HMGB1: variants seen among roughly 807,000 people sequenced by gnomAD.
The protein encoded by HMGB1 is high mobility group box 1.
For missense variants in HMGB1, 79 were observed against 253.5 expected (o/e 0.31, Z 4.67); for synonymous variants, 81 against 84.0 (o/e 0.96, Z 0.19).
At chr13:30,471,429 CCTCT>C in intron 1 of HMGB1, among the ~76,000 whole-genome samples, 1 of 151,796 alleles carries the variant, frequency 6.6e-6, no homozygotes, top group East Asian at 1.9e-4. Context: ...CTCACTGCAA[CCTCT>C]GTCTCCCAGG....
intron 1 of HMGB1, among the ~76,000 whole-genome samples, chr13:30,488,313 C>T (rs1417214250): frequency 1.3e-5 from 2 of 152,080 alleles, no homozygotes; most frequent in Admixed American, 6.6e-5. Context: ...CAAACTCTTA[C>T]CAGCATTTTT....
chr13:30,470,948 C>CTTATTTAT lies in HMGB1; in HGVS notation c.-14-7262_-14-7255dup, dbSNP rs61370575. On this transcript the variant is annotated intron_variant, in intron 1 of 4. Transcript: ENST00000405805. ...ACAGGTGTGAGCCACCATGCCCAGA[C>CTTATTTAT]TTATTTATTTATTTATTTATTTATA... is the stretch of plus-strand genomic sequence containing the variant. 6.1e-3 allele frequency among the ~76,000 whole-genome samples: 914 copies of CTTATTTAT among 151,066 alleles called. 9 individuals are homozygous for CTTATTTAT. Among genetic ancestry groups the CTTATTTAT allele is most frequent in the African/African-American group, 0.02 (832 of 41,192 alleles).
At chr13:30,601,463 T>TAA (rs1593338669) in intron 1 of HMGB1, among the ~76,000 whole-genome samples, 13,251 of 115,784 alleles carry the variant, frequency 0.11, 4,755 homozygotes, top group African/African-American at 0.3. Flanking sequence ...ATGAGGGTTG[T>TAA]GGCCGGGCGC....
chr13:30,502,248 T>C (rs1248749541), intron 1 of HMGB1, among the ~76,000 whole-genome samples: 1 of 152,258 alleles, frequency 6.6e-6, no homozygotes, highest in Non-Finnish European at 1.5e-5. Flanking sequence ...CAAATATTTA[T>C]TGAGCCTCTG....
rs200836895 is a variant in HMGB1, at chr13:30,461,375, T to A, written c.630A>T (p.Glu210Asp). 706 of 1,555,310 alleles carry A rather than the reference T, an allele frequency of 4.5e-4. No homozygotes were observed. The highest frequency in any genetic ancestry group is 7.4e-4 in the South Asian group (60 of 81,150). Reference sequence around the variant, plus strand: ...AACCAACTTATTCATCATCATCATCTTCTTCTTCATCTTCATCTTCTTCAT... The same window carrying A: ...AACCAACTTATTCATCATCATCATCATCTTCTTCATCTTCATCTTCTTCAT... ...EEDEEDEDEEEDDDDE is the reference protein window; with the variant it reads ...EEDEEDEDEEDDDDDE The change falls in exon 5 of 5, where the codon GAA becomes GAT. Residue 210 changes from glutamate (E) to aspartate (D), a missense_variant. Physicochemically the swap from Glu to Asp is conservative, Grantham distance 45. Coordinates refer to ENST00000341423, the MANE Select transcript of HMGB1 (RefSeq NM_002128.7).
intron 4 of HMGB1, among the ~76,000 whole-genome samples, chr13:30,462,056 A>G (rs989571551): frequency 8.5e-5 from 13 of 152,260 alleles, no homozygotes; most frequent in Non-Finnish European, 1.2e-4. Context: ...CTGAACTATA[A>G]GAGTTATAGA....
At chr13:30,474,443 A>G (rs1172990675) in intron 1 of HMGB1, among the ~76,000 whole-genome samples, 1 of 152,198 alleles carries the variant, frequency 6.6e-6, no homozygotes, top group Non-Finnish European at 1.5e-5. Flanking sequence ...TAGTAATTTT[A>G]AACAAGCGCT....
intron 1 of HMGB1, among the ~76,000 whole-genome samples, chr13:30,611,924 C>T (rs1044912608): frequency 8.7e-5 from 13 of 149,960 alleles, no homozygotes; most frequent in African/African-American, 2.5e-4. Context: ...ATTATGCATA[C>T]GTCTGAACTA....
chr13:30,544,722 G>C (rs543284624), intron 1 of HMGB1, among the ~76,000 whole-genome samples: 3 of 152,298 alleles, frequency 2.0e-5, no homozygotes, highest in Non-Finnish European at 1.5e-5. Context: ...GTTTTCCTGA[G>C]CTCTGTAAGC....
At chr13:30,482,653 G>T (rs1217887014) in intron 1 of HMGB1, among the ~76,000 whole-genome samples, 8 of 152,056 alleles carry the variant, frequency 5.3e-5, no homozygotes, top group Non-Finnish European at 1.2e-4. Context: ...TCCCGTTCTG[G>T]CCTTTGTCAT....
chr13:30,485,538 G>A (rs1270896067), intron 1 of HMGB1, among the ~76,000 whole-genome samples: 1 of 149,736 alleles, frequency 6.7e-6, no homozygotes, highest in Non-Finnish European at 1.5e-5. Flanking sequence ...ACTTTTTTTA[G>A]AGCGAGGGTC....
chr13:30,544,535 C>T (rs1869056958), intron 1 of HMGB1, among the ~76,000 whole-genome samples: 2 of 152,162 alleles, frequency 1.3e-5, no homozygotes, highest in Admixed American at 6.5e-5. Flanking sequence ...CCATAAAACC[C>T]TCAAAGGACT....
At chr13:30,545,646 C>G (rs561333764) in intron 1 of HMGB1, among the ~76,000 whole-genome samples, 1 of 152,242 alleles carries the variant, frequency 6.6e-6, no homozygotes, top group African/African-American at 2.4e-5. Flanking sequence ...AAAATTAAAA[C>G]TAAACTTCAT....
At chr13:30,465,749 G>C in intron 1 of HMGB1, 47 bp downstream of exon 1, 2 of 971,916 alleles carry the variant, frequency 2.1e-6, no homozygotes, top group Non-Finnish European at 2.4e-6. Flanking sequence ...GCGGGCTGGG[G>C]AGCTGCCGGA....
Position 30,544,952 on chromosome 13 carries a change from C to T in HMGB1, c.-15+71719G>A, listed in dbSNP as rs116471547. Among the ~76,000 whole-genome samples, 1,174 of 152,284 alleles carry T rather than the reference C, an allele frequency of 7.7e-3. 20 individuals are homozygous for T. Among genetic ancestry groups the T allele is most frequent in the African/African-American group, 0.027 (1,130 of 41,552 alleles). Reference sequence around the variant, plus strand: ...GTCAGGAGGCGCCTCGATGTAGAAACGTGTTCCTCTGCACTCCTGGCCTCC... The same window carrying T: ...GTCAGGAGGCGCCTCGATGTAGAAATGTGTTCCTCTGCACTCCTGGCCTCC... On this transcript the variant is annotated intron_variant, in intron 1 of 4. Transcript: ENST00000405805.
intron 1 of HMGB1, among the ~76,000 whole-genome samples, chr13:30,590,596 A>T (rs2137552279): frequency 6.6e-6 from 1 of 152,390 alleles, no homozygotes; most frequent in African/African-American, 2.4e-5. Flanking sequence ...CAAAGAAATG[A>T]CAAGCCGTTC....
intron 1 of HMGB1, among the ~76,000 whole-genome samples, chr13:30,606,835 ATCT>A (rs1445833341): frequency 6.6e-6 from 1 of 152,224 alleles, no homozygotes; most frequent in Non-Finnish European, 1.5e-5. Flanking sequence ...ATGTTAAAAC[ATCT>A]TCTGCCACAA....
At chr13:30,505,857 C>A (rs1279380110) in intron 1 of HMGB1, among the ~76,000 whole-genome samples, 1 of 152,088 alleles carries the variant, frequency 6.6e-6, no homozygotes, top group Non-Finnish European at 1.5e-5. Context: ...TCTCAGGGGG[C>A]AGTCTGAGGA....
At chr13:30,461,746 T>A (rs978152577) in intron 4 of HMGB1, 1 of 1,275,966 alleles carries the variant, frequency 7.8e-7, no homozygotes, top group Admixed American at 2.1e-5. Context: ...ACTCATGAAA[T>A]GGCATAGTCT....
Sources: gnomAD v4.1 joint callset for allele counts (sites outside exome capture counted in the v4.1 genomes callset) on GRCh38, gnomAD v4.1.1 for gene constraint, MANE v1.5 for transcripts, NCBI Gene and HGNC (gene_info 2026-07-23, HGNC 2026-07-21) for gene names.